ANKRD11: variants seen among roughly 807,000 people sequenced by gnomAD.
The protein encoded by ANKRD11 is ankyrin repeat domain 11.
A neutral mutation model predicts 195.7 loss-of-function variants in ANKRD11; 17 were observed. The observed-to-expected ratio is 0.09, with a 90% CI of 0.06 to 0.13. The LOEUF (loss-of-function observed/expected upper bound fraction) is 0.13. Ranked by LOEUF, ANKRD11 falls within the 10% of genes least tolerant of loss-of-function variation. The pLI is 1.00. For missense variants in ANKRD11, 3,735 were observed against 3,566.1 expected, an observed-to-expected ratio of 1.05 and a Z score of -1.21; for synonymous variants, 1,953 against 1,528.1, an observed-to-expected ratio of 1.28 and a Z score of -6.49.
Position 89,282,624 on chromosome 16 carries a change from G to A in ANKRD11, c.3918C>T (p.Asp1306=), listed in dbSNP as rs746444371. The A allele has an allele frequency of 6.2e-7, 1 of 1,614,200 alleles. No individual in the cohort carries two copies. Among genetic ancestry groups the A allele is most frequent in the Non-Finnish European group, 8.5e-7 (1 of 1,180,052 alleles). ...GCTCCTGCCCTCGGTCCGTGAAGCT[G>A]TCAGAGGAGACCTCGCTGATTTTAT... ...SNDKISEVSS[D]SFTDRGQEPG... Residue 1306 remains aspartate (D), a synonymous_variant, in exon 9 of 13, where the codon GAC becomes GAT. Coordinates refer to ENST00000301030, the MANE Select transcript of ANKRD11 (RefSeq NM_013275.6).
chr16:89,437,168 A>G (rs1055784215), intron 1 of ANKRD11, among the ~76,000 whole-genome samples: 2 of 152,346 alleles, frequency 1.3e-5, no homozygotes, highest in African/African-American at 4.8e-5. Flanking sequence ...CTGAAAGCGC[A>G]GCACACACCT....
intron 3 of ANKRD11, among the ~76,000 whole-genome samples, chr16:89,309,108 G>A (rs1041285555): frequency 2.0e-5 from 3 of 152,124 alleles, no homozygotes; most frequent in African/African-American, 2.4e-5. Flanking sequence ...ACCATGTGAC[G>A]CCACCACACG....
In ANKRD11 at chr16:89,280,594, G is replaced by A. The variant is rs768438701; in HGVS notation, c.5948C>T (p.Ser1983Phe). 4 of 1,613,526 alleles carry A rather than the reference G, an allele frequency of 2.5e-6. No homozygotes were observed. The highest frequency in any genetic ancestry group is 2.5e-6 in the Non-Finnish European group (3 of 1,179,952). Residue 1983 changes from serine (S) to phenylalanine (F), a missense_variant, in exon 9 of 13, where the codon TCT becomes TTT. Physicochemically the swap from Ser to Phe is radical, Grantham distance 155. Transcript: ENST00000301030. ...TGGGGACTCGGGGAATCTCTGTGGA[G>A]ACTTCAGCAGGAGGTCCGAGCCCAC... ...WPVGSDLLLK[S>F]PQRFPESPKR...
chr16:89,435,584 C>T lies in ANKRD11; in HGVS notation c.-144-17216G>A, dbSNP rs140499989. On this transcript the variant is annotated intron_variant, in intron 1 of 12. Transcript: ENST00000301030. ...TCTGAAAATCTGAAGGAACAAACTC[C>T]GGACACACCATCTTTAAGAACTGTG... Among the ~76,000 whole-genome samples the T allele has an allele frequency of 2.5e-3, 383 of 152,208 alleles. 6 individuals are homozygous for T. In the East Asian group the frequency reaches 0.034, roughly 14 times the overall value.
chr16:89,318,913 C>A lies in ANKRD11; in HGVS notation c.-59-1835G>T, dbSNP rs2037130622. 3.3e-5 allele frequency among the ~76,000 whole-genome samples: 5 copies of A among 152,308 alleles called. No individual in the cohort carries two copies. In the South Asian group the frequency reaches 1.0e-3, roughly 32 times the overall value. ...AGGCCAGACATATTTTCTCTCTCTA[C>A]CTGAACCAATGAATTTTACATTCTC... On this transcript the variant is annotated intron_variant, in intron 2 of 12. Coordinates refer to ENST00000301030, the MANE Select transcript of ANKRD11 (RefSeq NM_013275.6).
At chr16:89,430,845 A>G (rs749466584) in intron 1 of ANKRD11, among the ~76,000 whole-genome samples, 2 of 152,188 alleles carry the variant, frequency 1.3e-5, no homozygotes, top group East Asian at 1.9e-4. Context: ...GACCTTACGC[A>G]GTTTCTGTCT....
intron 1 of ANKRD11, among the ~76,000 whole-genome samples, chr16:89,482,397 G>A (rs2057472585): frequency 6.6e-6 from 1 of 152,182 alleles, no homozygotes; most frequent in Non-Finnish European, 1.5e-5. Flanking sequence ...GAAACGCTGA[G>A]AAATGGTTGC....
chr16:89,445,641 C>T (rs982689157), intron 1 of ANKRD11, among the ~76,000 whole-genome samples: 16 of 152,152 alleles, frequency 1.1e-4, no homozygotes, highest in African/African-American at 3.9e-4. Context: ...TCTCAACATC[C>T]TCTTCAATAA....
At chr16:89,366,129 C>CAAAAAAAAAAAA (rs71387689) in intron 2 of ANKRD11, among the ~76,000 whole-genome samples, 1 of 60,458 alleles carries the variant, frequency 1.7e-5, no homozygotes, top group African/African-American at 6.2e-5. Flanking sequence ...GACTCCATCT[C>CAAAAAAAAAAAA]AAAAAAAAAA....
chr16:89,416,939 C>CT (rs533239308), intron 2 of ANKRD11, among the ~76,000 whole-genome samples: 128 of 152,212 alleles, frequency 8.4e-4, no homozygotes, highest in African/African-American at 2.9e-3. Flanking sequence ...CATGGCACCC[C>CT]TTTTATCACA....
chr16:89,326,050 C>T (rs541251968), intron 2 of ANKRD11, among the ~76,000 whole-genome samples: 3 of 152,212 alleles, frequency 2.0e-5, no homozygotes, highest in Admixed American at 1.3e-4. Flanking sequence ...TCTGTGAAGA[C>T]GAAGGGGAGG....
intron 2 of ANKRD11, among the ~76,000 whole-genome samples, chr16:89,390,438 CG>C (rs1317994288): frequency 1.2e-4 from 19 of 152,146 alleles, no homozygotes; most frequent in African/African-American, 4.6e-4. Flanking sequence ...GCCTAACCAA[CG>C]GTAAGGGGTG....
chr16:89,383,993 G>C (rs1311647825), intron 2 of ANKRD11, among the ~76,000 whole-genome samples: 1 of 152,124 alleles, frequency 6.6e-6, no homozygotes, highest in Non-Finnish European at 1.5e-5. Context: ...GCTGAGGCAG[G>C]CAGGTCACCT....
chr16:89,326,571 T>C (rs1290264654), intron 2 of ANKRD11, among the ~76,000 whole-genome samples: 2 of 151,984 alleles, frequency 1.3e-5, no homozygotes, highest in Non-Finnish European at 2.9e-5. Flanking sequence ...GGAAACCTCA[T>C]CTTTACAAAA....
chr16:89,418,915 G>A (rs111813377), intron 1 of ANKRD11, among the ~76,000 whole-genome samples: 1,655 of 151,946 alleles, frequency 0.011, 30 homozygotes, highest in African/African-American at 0.038. Context: ...GATTACAGGC[G>A]CTCGCCACCC....
At chr16:89,467,013 A>T (rs562879441) in intron 1 of ANKRD11, among the ~76,000 whole-genome samples, 1 of 152,356 alleles carries the variant, frequency 6.6e-6, no homozygotes, top group East Asian at 1.9e-4. Context: ...GCTAGTTATG[A>T]ATAACAAATG....
At chr16:89,305,675 TCCGCAGACACGCGCCAC>T (rs1567615163) in intron 3 of ANKRD11, among the ~76,000 whole-genome samples, 2 of 35,290 alleles carry the variant, frequency 5.7e-5, no homozygotes, top group Admixed American at 2.9e-4. Flanking sequence ...TACCTCCCAC[TCCGCAGACACGCGCCAC>T]CTCCCACTCC....
intron 1 of ANKRD11, among the ~76,000 whole-genome samples, chr16:89,467,563 G>C (rs1041013310): frequency 6.6e-6 from 1 of 152,048 alleles, no homozygotes; most frequent in Admixed American, 6.6e-5. Context: ...ACGGGGTCTT[G>C]CTATGCTGCC....
intron 2 of ANKRD11, among the ~76,000 whole-genome samples, chr16:89,353,521 A>G (rs370312136): frequency 1.3e-5 from 2 of 151,504 alleles, no homozygotes; most frequent in Non-Finnish European, 2.9e-5. Flanking sequence ...TGTGTCACCC[A>G]GGCTGGAGTA....
Sources: gnomAD v4.1 joint callset for allele counts (sites outside exome capture counted in the v4.1 genomes callset) on GRCh38, gnomAD v4.1.1 for gene constraint, MANE v1.5 for transcripts, NCBI Gene and HGNC (gene_info 2026-07-23, HGNC 2026-07-21) for gene names.